ACTN2: variants seen among roughly 807,000 people sequenced by gnomAD.
The protein encoded by ACTN2 is alpha-actinin-2.
In ACTN2, 39 loss-of-function variants were observed where a neutral mutation model predicts 113.8. The ratio of observed to expected loss-of-function variants is 0.34; its 90% CI spans 0.27 to 0.45. ACTN2 has a LOEUF of 0.45. Among genes scored for constraint, ACTN2 ranks in the 20% least tolerant of loss-of-function variants. The probability of loss-of-function intolerance (pLI) is 1.00; values close to 1 mark genes in which losing one functional copy is unlikely to be tolerated. For synonymous variants in ACTN2, 429 were observed against 444.1 expected, an observed-to-expected ratio of 0.97 and a Z score of 0.43; for missense variants, 992 against 1,177.9, an observed-to-expected ratio of 0.84 and a Z score of 2.31.
chr1:236,700,760 A>G (rs1657649991), intron 1 of ACTN2, among the ~76,000 whole-genome samples: 1 of 152,184 alleles, frequency 6.6e-6, no homozygotes, highest in African/African-American at 2.4e-5. Flanking sequence ...CAGACATTGA[A>G]AAGGTTCTTC....
intron 1 of ACTN2, among the ~76,000 whole-genome samples, chr1:236,716,239 C>G (rs1221216198): frequency 6.6e-6 from 1 of 151,934 alleles, no homozygotes; most frequent in Admixed American, 6.6e-5. Context: ...TGTAGTCTGA[C>G]TTAGAAGCAG....
chr1:236,753,980 C>T lies in ACTN2; in HGVS notation c.1873C>T (p.Leu625=), dbSNP rs1173075792. ...KQLVPIRDQS[L]QEELARQHAN... ...ACTCGTGCCCATCCGCGATCAATCCCTGCAGGAGGAGCTGGCTCGCCAGCA... is the reference window on the plus strand; with the variant it reads ...ACTCGTGCCCATCCGCGATCAATCCTTGCAGGAGGAGCTGGCTCGCCAGCA... The change falls in exon 16 of 21, where the codon CTG becomes TTG. Residue 625 remains leucine (L), a synonymous_variant. Transcript: ENST00000366578. 2 of 1,614,206 alleles carry T rather than the reference C, an allele frequency of 1.2e-6. No individual in the cohort carries two copies. Among genetic ancestry groups the T allele is most frequent in the South Asian group, 1.1e-5 (1 of 91,076 alleles).
At chr1:236,731,435 T>G in intron 7 of ACTN2, 121 bp downstream of exon 7, 3 of 756,256 alleles carry the variant, frequency 4.0e-6, no homozygotes, top group Non-Finnish European at 6.9e-6. Context: ...TTTGGATTCC[T>G]AACAAATTTC....
At chr1:236,708,671 C>T (rs547302111) in intron 1 of ACTN2, among the ~76,000 whole-genome samples, 5 of 152,274 alleles carry the variant, frequency 3.3e-5, no homozygotes, top group African/African-American at 1.2e-4. Context: ...CTGCTTCCAG[C>T]GCAGTTCGTG....
intron 1 of ACTN2, among the ~76,000 whole-genome samples, chr1:236,717,044 AG>A (rs1185377394): frequency 1.0e-4 from 14 of 138,230 alleles, no homozygotes; most frequent in African/African-American, 3.8e-4. Flanking sequence ...CATGTTGGTC[AG>A]GCTGGTCTCG....
In ACTN2 at chr1:236,762,761, G is replaced by A; in HGVS notation, c.*142G>A. On this transcript the variant is annotated 3_prime_UTR_variant, in exon 21 of 21. Transcript: ENST00000366578. ...AAAAGCCTTTCGTAGTTCAGTAATT[G>A]CCAGCAATATAACACGGCTAAAATG... is the stretch of plus-strand genomic sequence containing the variant. The A allele has an allele frequency of 9.7e-7, 1 of 1,029,972 alleles. No individual in the cohort carries two copies. The allele number at this position is 1,029,972 out of a possible 1,614,324, so 63.8% of individuals were successfully genotyped here.
Position 236,686,603 on chromosome 1 carries a change from G to T in ACTN2, c.-71G>T. 6.8e-7 allele frequency: 1 copy of T among 1,472,394 alleles called. No homozygotes were observed. The highest frequency in any genetic ancestry group is 9.0e-7 in the Non-Finnish European group (1 of 1,111,096). 91.2% of individuals were successfully genotyped at this position (1,472,394 alleles called of 1,614,324 possible). A position where few individuals can be genotyped will look rare whatever the true frequency, so the allele number is the denominator to read the frequency against. ...CCGCCCGCCGCCCGCCGCCTCCGTGGGTCCGTTTGCCAGTCAGCCCGTGCG... is the reference window on the plus strand; with the variant it reads ...CCGCCCGCCGCCCGCCGCCTCCGTGTGTCCGTTTGCCAGTCAGCCCGTGCG... On this transcript the variant is annotated 5_prime_UTR_variant, in exon 1 of 21. Coordinates refer to ENST00000366578, the MANE Select transcript of ACTN2 (RefSeq NM_001103.4).
intron 4 of ACTN2, among the ~76,000 whole-genome samples, chr1:236,722,356 G>T (rs935837552): frequency 6.6e-6 from 1 of 152,040 alleles, no homozygotes; most frequent in Admixed American, 6.6e-5. Context: ...GAGAGATTAG[G>T]CCGGGCGCGG....
At chr1:236,748,070 T>C in intron 13 of ACTN2, 1 of 356,914 alleles carries the variant, frequency 2.8e-6, no homozygotes, top group South Asian at 2.5e-5. Context: ...TTTCCAAAAG[T>C]CCTTCTACCT....
chr1:236,719,703 G>A (rs1572114159), intron 3 of ACTN2, among the ~76,000 whole-genome samples: 1 of 151,948 alleles, frequency 6.6e-6, no homozygotes, highest in East Asian at 1.9e-4. Context: ...GGAGGTTGAG[G>A]CAGGAGAATT....
chr1:236,694,712 C>G (rs1427534277), intron 1 of ACTN2, among the ~76,000 whole-genome samples: 2 of 152,062 alleles, frequency 1.3e-5, no homozygotes, highest in African/African-American at 2.4e-5. Context: ...AAAATGTTCT[C>G]TTGAAGTATT....
chr1:236,706,384 G>A (rs1362528130), intron 1 of ACTN2, among the ~76,000 whole-genome samples: 1 of 152,150 alleles, frequency 6.6e-6, no homozygotes, highest in Admixed American at 6.5e-5. Flanking sequence ...AAAGATCCCT[G>A]CTTCTCTGTG....
chr1:236,695,254 CA>C (rs2102862600), intron 1 of ACTN2, among the ~76,000 whole-genome samples: 1 of 148,874 alleles, frequency 6.7e-6, no homozygotes, highest in Non-Finnish European at 1.5e-5. Context: ...GATGTCTGCC[CA>C]TAATCCCAGC....
intron 1 of ACTN2, among the ~76,000 whole-genome samples, chr1:236,690,636 ATAT>A (rs1666046729): frequency 6.6e-6 from 1 of 152,196 alleles, no homozygotes; most frequent in South Asian, 2.1e-4. Flanking sequence ...AAATGTTCAA[ATAT>A]TATTATCCTT....
intron 1 of ACTN2, among the ~76,000 whole-genome samples, chr1:236,701,705 A>T (rs1258900075): frequency 6.6e-6 from 1 of 152,240 alleles, no homozygotes; most frequent in African/African-American, 2.4e-5. Context: ...CCTTATTTAA[A>T]GATCTGGACC....
intron 1 of ACTN2, among the ~76,000 whole-genome samples, chr1:236,691,694 A>G (rs1289599228): frequency 2.0e-5 from 3 of 152,174 alleles, no homozygotes; most frequent in Non-Finnish European, 4.4e-5. Flanking sequence ...TACCTTTGAC[A>G]CTATCAAAGC....
At chr1:236,691,954 G>A (rs913813342) in intron 1 of ACTN2, among the ~76,000 whole-genome samples, 12 of 152,222 alleles carry the variant, frequency 7.9e-5, no homozygotes, top group African/African-American at 2.9e-4. Flanking sequence ...GTTATAGAGG[G>A]CCTGGGATGC....
In ACTN2 at chr1:236,743,002, A is replaced by G. The variant is rs1659118789; in HGVS notation, c.1214A>G (p.Lys405Arg). ...RLERLEHLAEKFRQKASTHET... is the reference protein window; with the variant it reads ...RLERLEHLAERFRQKASTHET... ...GAGCGCTTGGAACACCTGGCTGAGA[A>G]GTTCAGGCAGAAGGCCTCAACGCAC... is the stretch of plus-strand genomic sequence containing the variant. The change falls in exon 11 of 21, where the codon AAG becomes AGG. Residue 405 changes from lysine (K) to arginine (R), a missense_variant. Lys to Arg is a conservative substitution (Grantham distance 26). Transcript: ENST00000366578. 2 of 1,614,074 alleles carry G rather than the reference A, an allele frequency of 1.2e-6. No homozygotes were observed. The highest frequency in any genetic ancestry group is 8.5e-7 in the Non-Finnish European group (1 of 1,180,054).
At chr1:236,737,493 C>G (rs1234137499) in intron 9 of ACTN2, among the ~76,000 whole-genome samples, 5 of 150,762 alleles carry the variant, frequency 3.3e-5, no homozygotes, top group African/African-American at 4.9e-5. Flanking sequence ...ATGCGATTCT[C>G]TGCTCAGCTC....
Sources: allele counts gnomAD v4.1 joint callset (sites outside exome capture counted in the v4.1 genomes callset), GRCh38; gene constraint gnomAD v4.1.1; transcripts MANE v1.5; gene names NCBI Gene and HGNC (gene_info 2026-07-23, HGNC 2026-07-21).